CD99L2: variants seen among roughly 807,000 people sequenced by gnomAD.
CD99L2 encodes CD99 molecule like 2, also known as CD99 antigen-like protein 2.
Under a neutral mutation model 27.3 loss-of-function variants are expected in CD99L2, and 24 were observed. The ratio of observed to expected loss-of-function variants is 0.88; its 90% CI spans 0.64 to 1.24. CD99L2 has a LOEUF of 1.24. Among genes scored for constraint, CD99L2 ranks in the 50% most tolerant of loss-of-function variants. The pLI is 0.00. For missense variants in CD99L2, 255 were observed against 221.6 expected (o/e 1.15, Z -0.96); for synonymous variants, 97 against 87.9 (o/e 1.10, Z -0.58).
intron 1 of CD99L2, among the ~76,000 whole-genome samples, chrX:150,863,850 T>C (rs1477268780): frequency 1.8e-5 from 2 of 111,887 alleles, no homozygotes; most frequent in Non-Finnish European, 3.8e-5. Flanking sequence ...GAGAATTCCA[T>C]GTGAAGATGG....
chrX:150,838,963 A>T (rs114859980), intron 1 of CD99L2, among the ~76,000 whole-genome samples: 12,185 of 104,967 alleles, frequency 0.12, 712 homozygotes, highest in Middle Eastern at 0.14. Flanking sequence ...TACAAGACAA[A>T]TGAGATTAAA....
intron 1 of CD99L2, among the ~76,000 whole-genome samples, chrX:150,882,448 G>A (rs1288606250): frequency 1.8e-5 from 2 of 112,210 alleles, no homozygotes; most frequent in Non-Finnish European, 3.8e-5. Flanking sequence ...ATTCAGGCTG[G>A]ACGCAGTGGC....
chrX:150,782,257 CAA>C (rs1260591960), intron 7 of CD99L2, among the ~76,000 whole-genome samples: 1 of 112,158 alleles, frequency 8.9e-6, no homozygotes, highest in African/African-American at 3.2e-5. Context: ...AATGAATAAA[CAA>C]AGAGAAGAAA....
At chrX:150,799,266 G>A (rs2045864508) in intron 4 of CD99L2, among the ~76,000 whole-genome samples, 1 of 109,929 alleles carries the variant, frequency 9.1e-6, no homozygotes, top group Admixed American at 9.7e-5. Context: ...GGGAGGCTGA[G>A]GCAGGTGGAT....
At chrX:150,857,412 G>A (rs186692313) in intron 1 of CD99L2, among the ~76,000 whole-genome samples, 185 of 110,130 alleles carry the variant, frequency 1.7e-3, no homozygotes, top group African/African-American at 5.8e-3. Flanking sequence ...CAGACTAACA[G>A]CAGTAAAATT....
chrX:150,875,798 T>C (rs2047220017), intron 1 of CD99L2, among the ~76,000 whole-genome samples: 2 of 107,198 alleles, frequency 1.9e-5, no homozygotes, highest in African/African-American at 6.6e-5. Context: ...AGAGTTTCCC[T>C]GCACAAGCTC....
chrX:150,824,139 G>A (rs1371238499), intron 2 of CD99L2, among the ~76,000 whole-genome samples: 1 of 64,964 alleles, frequency 1.5e-5, no homozygotes, highest in Non-Finnish European at 2.8e-5. Flanking sequence ...AGGAGGAGGA[G>A]GAGAAGAAGG....
chrX:150,794,923 T>C (rs782474246), intron 6 of CD99L2, among the ~76,000 whole-genome samples: 2 of 113,054 alleles, frequency 1.8e-5, no homozygotes, highest in East Asian at 5.5e-4. Context: ...ATGTTATTTA[T>C]GTTAAATGTA....
chrX:150,816,197 C>T (rs781884961), intron 2 of CD99L2, 119 bp from the exon 3 acceptor site: 2 of 640,039 alleles, frequency 3.1e-6, no homozygotes, highest in African/African-American at 4.4e-5. Flanking sequence ...TCCTTGAGGC[C>T]CCTCTAGCTA....
At chrX:150,803,341 A>C (rs2045948350) in intron 4 of CD99L2, among the ~76,000 whole-genome samples, 1 of 112,515 alleles carries the variant, frequency 8.9e-6, no homozygotes, top group Non-Finnish European at 1.9e-5. Flanking sequence ...CCACAAAGTA[A>C]AAATGTCAAC....
At chrX:150,778,465 G>T (rs374088547) in intron 7 of CD99L2, among the ~76,000 whole-genome samples, 2 of 101,683 alleles carry the variant, frequency 2.0e-5, no homozygotes, top group Admixed American at 2.1e-4. Context: ...CTGGCAGGGT[G>T]GGGGGGTATT....
intron 1 of CD99L2, among the ~76,000 whole-genome samples, chrX:150,866,288 CA>C (rs1212516309): frequency 9.2e-6 from 1 of 108,505 alleles, no homozygotes; most frequent in Non-Finnish European, 1.9e-5. Flanking sequence ...GGAACAACAA[CA>C]AAAAAAAACA....
rs1557418704 is a variant in CD99L2 at position 150,767,566 on chromosome X, C to CGTTA, written c.*1464_*1467dup. 8.9e-6 allele frequency: 1 copy of CGTTA among 111,799 alleles called. No individual in the cohort carries two copies. Among genetic ancestry groups the CGTTA allele is most frequent in the African/African-American group, 3.3e-5 (1 of 30,710 alleles). 9.2% of individuals were successfully genotyped at this position (111,799 alleles called of 1,213,427 possible). A position where few individuals can be genotyped will look rare whatever the true frequency, so the allele number is the denominator to read the frequency against. Reference sequence around the variant, plus strand: ...GTTTGCAAAACGAACACGAGGCATGCGTTAGACAGATGCATGTGGGGGCTG... The same window carrying CGTTA: ...GTTTGCAAAACGAACACGAGGCATGCGTTAGTTAGACAGATGCATGTGGGGGCTG... On this transcript the variant is annotated 3_prime_UTR_variant, in exon 11 of 11. Transcript: ENST00000370377.
intron 1 of CD99L2, among the ~76,000 whole-genome samples, chrX:150,869,936 C>T (rs781993356): frequency 1.9e-4 from 21 of 111,381 alleles, no homozygotes; most frequent in African/African-American, 6.5e-4. Context: ...AGGTTGTTCT[C>T]ATCCCCACTG....
intron 7 of CD99L2, among the ~76,000 whole-genome samples, chrX:150,783,490 T>C (rs1401162295): frequency 9.0e-6 from 1 of 111,333 alleles, no homozygotes; most frequent in East Asian, 2.8e-4. Flanking sequence ...CCCAGACACA[T>C]GGGTAAGAGA....
chrX:150,896,315 T>C lies in CD99L2; in HGVS notation c.67+2207A>G, dbSNP rs1374078261. ...TGGGAGCCTGAGGCAGGAGAATTGC[T>C]TGAACCCAGGAGGCGAAGGTTGCGG... On this transcript the variant is annotated intron_variant, in intron 1 of 10. Transcript: ENST00000370377. Among the ~76,000 whole-genome samples, 6 of 109,246 alleles carry C rather than the reference T, an allele frequency of 5.5e-5. No individual in the cohort carries two copies. In the East Asian group the frequency reaches 1.8e-3, roughly 32 times the overall value. 94.9% of individuals were successfully genotyped at this position (109,246 alleles called of 115,157 possible).
intron 2 of CD99L2, among the ~76,000 whole-genome samples, chrX:150,824,451 AAGAAGAAAGAAGAAAGAAG>A (rs2046319727): frequency 2.0e-5 from 2 of 99,529 alleles, no homozygotes; most frequent in African/African-American, 7.5e-5. Flanking sequence ...AAGAAAGAAG[AAGAAGAAAGAAGAAAGAAG>A]AAGAAGAAAG....
At chrX:150,877,871 A>C (rs2047254159) in intron 1 of CD99L2, among the ~76,000 whole-genome samples, 1 of 110,270 alleles carries the variant, frequency 9.1e-6, no homozygotes, top group Admixed American at 9.8e-5. Flanking sequence ...GGAGAAATAA[A>C]AATAAAAAGA....
intron 2 of CD99L2, chrX:150,818,954 C>A: frequency 2.9e-6 from 1 of 345,520 alleles, no homozygotes; most frequent in South Asian, 2.8e-5. Flanking sequence ...GGGGACTTCA[C>A]ATGCCATAAT....
Sources: gnomAD v4.1 joint callset for allele counts (sites outside exome capture counted in the v4.1 genomes callset) on GRCh38, gnomAD v4.1.1 for gene constraint, MANE v1.5 for transcripts, NCBI Gene and HGNC (gene_info 2026-07-23, HGNC 2026-07-21) for gene names.